Variants in CCDC169 observed in about 807,000 individuals in gnomAD.
The protein encoded by CCDC169 is coiled-coil domain-containing protein 169.
In CCDC169, 30 loss-of-function variants were observed where a neutral mutation model predicts 36.0. That is an observed-to-expected ratio of 0.83 (90% confidence interval 0.62 to 1.13). CCDC169 has a LOEUF of 1.13. CCDC169 is among the 50% of genes most tolerant of loss of function. CCDC169 has a pLI of 0.00. For synonymous variants in CCDC169, 85 were observed against 81.5 expected, an observed-to-expected ratio of 1.04 and a Z score of -0.23; for missense variants, 245 against 245.9, an observed-to-expected ratio of 1.00 and a Z score of 0.03.
intron 4 of CCDC169, among the ~76,000 whole-genome samples, chr13:36,262,959 G>A (rs1186771766): frequency 1.3e-5 from 2 of 152,156 alleles, no homozygotes; most frequent in East Asian, 3.9e-4. Flanking sequence ...AATACAATTT[G>A]CAGAAGGAGG....
At position 36,295,818 on chromosome 13, in the gene CCDC169, C is replaced by G. The variant is rs755038358; in HGVS notation, c.123G>C (p.Lys41Asn). Reference sequence around the variant, plus strand: ...TGAGTTTGGCTTCCAGTTCCGTAATCTTGTGTCTTAGTTCAAATATTGAGA... The same window carrying G: ...TGAGTTTGGCTTCCAGTTCCGTAATGTTGTGTCTTAGTTCAAATATTGAGA... The part of the protein sequence containing the change: ...VQLSIFELRH[K>N]ITELEAKLNT... The change falls in exon 2 of 8, where the codon AAG becomes AAC. Residue 41 changes from lysine (K) to asparagine (N), a missense_variant. Lys to Asn is a moderately conservative substitution (Grantham distance 94, BLOSUM62 0). Coordinates refer to ENST00000239859, the MANE Select transcript of CCDC169 (RefSeq NM_001144981.3). 7.1e-6 allele frequency: 11 copies of G among 1,544,570 alleles called. No homozygotes were observed. Among genetic ancestry groups the G allele is most frequent in the Non-Finnish European group, 9.6e-6 (11 of 1,141,924 alleles).
intron 7 of CCDC169, among the ~76,000 whole-genome samples, chr13:36,239,616 A>AT (rs1289704853): frequency 1.3e-5 from 2 of 152,112 alleles, no homozygotes; most frequent in Non-Finnish European, 2.9e-5. Flanking sequence ...TGAATTAGGG[A>AT]TTTTTAAAAA....
chr13:36,294,214 C>A (rs113237847), intron 2 of CCDC169, among the ~76,000 whole-genome samples: 1,766 of 152,236 alleles, frequency 0.012, 15 homozygotes, highest in Non-Finnish European at 0.019. Context: ...CACATACTAG[C>A]TCCTTCTTTT....
chr13:36,265,173 C>T (rs769673815), intron 4 of CCDC169, among the ~76,000 whole-genome samples: 3 of 152,100 alleles, frequency 2.0e-5, no homozygotes, highest in Non-Finnish European at 4.4e-5. Flanking sequence ...CAGTTGTGAC[C>T]GTCCACTTTT....
At chr13:36,257,885 C>T (rs1874116997) in intron 4 of CCDC169, among the ~76,000 whole-genome samples, 1 of 151,764 alleles carries the variant, frequency 6.6e-6, no homozygotes, top group African/African-American at 2.4e-5. Flanking sequence ...CCCCTCTTGA[C>T]CTCCATATTC....
intron 4 of CCDC169, among the ~76,000 whole-genome samples, chr13:36,260,761 A>G (rs2138513334): frequency 6.6e-6 from 1 of 152,072 alleles, no homozygotes; most frequent in African/African-American, 2.4e-5. Flanking sequence ...CCTTTTCGTG[A>G]TCATATTGTT....
intron 7 of CCDC169, among the ~76,000 whole-genome samples, chr13:36,233,748 G>A (rs1486731160): frequency 6.6e-6 from 1 of 152,168 alleles, no homozygotes; most frequent in African/African-American, 2.4e-5. Context: ...AATTAAGATC[G>A]TCTGGTTTGA....
rs537970783 is a variant in CCDC169 at position 36,283,479 on chromosome 13, C to T, written c.305G>A (p.Arg102Gln). Reference sequence around the variant, plus strand: ...CACATTTCTACTCACCACTGGCATTCGTTCATAGACACGAATAGAAGATAG... The same window carrying T: ...CACATTTCTACTCACCACTGGCATTTGTTCATAGACACGAATAGAAGATAG... The part of the protein sequence containing the change: ...DRLSSIRVYE[R>Q]MPVESLNTLL... The change falls in exon 4 of 8, where the codon CGA becomes CAA. Residue 102 changes from arginine (R) to glutamine (Q), a missense_variant. Physicochemically the swap from Arg to Gln is conservative, Grantham distance 43. Coordinates refer to ENST00000239859, the MANE Select transcript of CCDC169 (RefSeq NM_001144981.3). The T allele has an allele frequency of 3.9e-6, 6 of 1,549,510 alleles. No homozygotes were observed. The highest frequency in any genetic ancestry group is 2.7e-5 in the African/African-American group (2 of 73,112).
chr13:36,297,806 C>A lies in CCDC169; in HGVS notation c.-87G>T. On this transcript the variant is annotated 5_prime_UTR_variant, in exon 1 of 8. Transcript: ENST00000239859. ...GGGCCACCCAGAAGCCAGTACGGCA[C>A]GAGGCGGTGAACCCCAACCGCCCCC... is the stretch of plus-strand genomic sequence containing the variant. 2.3e-6 allele frequency: 3 copies of A among 1,308,852 alleles called. No homozygotes were observed. The highest frequency in any genetic ancestry group is 1.3e-5 in the South Asian group (1 of 79,040). The allele number at this position is 1,308,852 out of a possible 1,614,324, so 81.1% of individuals were successfully genotyped here.
intron 2 of CCDC169, among the ~76,000 whole-genome samples, chr13:36,288,611 TAA>T (rs1371706062): frequency 2.0e-5 from 3 of 152,202 alleles, no homozygotes; most frequent in African/African-American, 4.8e-5. Flanking sequence ...TAACATCTGA[TAA>T]ACAGTTCAGG....
intron 4 of CCDC169, among the ~76,000 whole-genome samples, chr13:36,266,763 A>G (rs1177365324): frequency 2.0e-5 from 3 of 152,204 alleles, no homozygotes. Flanking sequence ...CTCCAACAGG[A>G]CATTTTCCAA....
At chr13:36,253,503 A>G (rs908110450) in intron 6 of CCDC169, among the ~76,000 whole-genome samples, 5 of 151,824 alleles carry the variant, frequency 3.3e-5, no homozygotes, top group Non-Finnish European at 7.4e-5. Flanking sequence ...CGCCCAACTA[A>G]TTTTTGTATT....
intron 4 of CCDC169, among the ~76,000 whole-genome samples, chr13:36,261,508 A>C (rs143075434): frequency 5.3e-5 from 8 of 152,288 alleles, no homozygotes; most frequent in African/African-American, 1.9e-4. Context: ...TTGGCAATCT[A>C]TCAGTTCTGA....
chr13:36,257,029 T>C (rs886688355), intron 4 of CCDC169, among the ~76,000 whole-genome samples: 1 of 152,204 alleles, frequency 6.6e-6, no homozygotes, highest in Non-Finnish European at 1.5e-5. Flanking sequence ...TAGTGGCCTG[T>C]GGGCCACAGC....
At chr13:36,280,425 A>T (rs556171386) in intron 4 of CCDC169, 45 of 152,362 alleles carry the variant, frequency 3.0e-4, no homozygotes, top group African/African-American at 1.1e-3. Flanking sequence ...ATACCCAGTT[A>T]TAGGGAAAAG....
downstream of CCDC169, among the ~76,000 whole-genome samples, chr13:36,227,909 G>A (rs892177849): frequency 3.9e-5 from 6 of 152,084 alleles, no homozygotes; most frequent in African/African-American, 1.2e-4. Context: ...CATATAAATG[G>A]AATTATGCAA....
intron 7 of CCDC169, among the ~76,000 whole-genome samples, chr13:36,235,828 C>CA (rs1479799269): frequency 6.9e-6 from 1 of 145,686 alleles, no homozygotes; most frequent in East Asian, 2.2e-4. Flanking sequence ...GATCAATATG[C>CA]AAAAATCAAC....
At chr13:36,223,397 T>C (rs140562843), downstream of CCDC169, 3 of 152,298 alleles carry the variant, frequency 2.0e-5, no homozygotes, top group African/African-American at 7.2e-5. Context: ...GTTCTCCAGA[T>C]AGTAATATTT....
chr13:36,296,906 A>C (rs573201640), intron 1 of CCDC169, among the ~76,000 whole-genome samples: 6 of 152,312 alleles, frequency 3.9e-5, no homozygotes, highest in Admixed American at 6.5e-5. Context: ...GTGACAAGAG[A>C]TGGAGTTTGT....
Sources: allele counts gnomAD v4.1 joint callset (sites outside exome capture counted in the v4.1 genomes callset), GRCh38; gene constraint gnomAD v4.1.1; transcripts MANE v1.5; gene names NCBI Gene and HGNC (gene_info 2026-07-23, HGNC 2026-07-21).